SUPT5H: variants seen among roughly 807,000 people sequenced by gnomAD.
SUPT5H encodes the protein transcription elongation factor SPT5.
SUPT5H carries 24 observed loss-of-function variants against 142.5 expected under a neutral mutation model. That is an observed-to-expected ratio of 0.17 (90% CI 0.12 to 0.24). SUPT5H has a LOEUF of 0.24. SUPT5H is among the 10% of genes least tolerant of loss of function. The probability of loss-of-function intolerance (pLI) is 1.00; values close to 1 mark genes in which losing one functional copy is unlikely to be tolerated. For missense variants in SUPT5H, 893 were observed against 1,471.8 expected (o/e 0.61, Z 6.43); for synonymous variants, 546 against 553.0 (o/e 0.99, Z 0.18).
chr19:39,447,351 A>G (rs2078966939), intron 2 of SUPT5H, among the ~76,000 whole-genome samples: 2 of 151,984 alleles, frequency 1.3e-5, no homozygotes, highest in South Asian at 2.1e-4. Context: ...TGAAAGGATC[A>G]CTCTGGCTTT....
intron 3 of SUPT5H, 131 bp downstream of exon 3, chr19:39,453,652 C>T: frequency 2.7e-6 from 3 of 1,116,892 alleles, no homozygotes; most frequent in Non-Finnish European, 3.6e-6. Flanking sequence ...GAACTTGGCT[C>T]ACTGCAAGTT....
In SUPT5H at chr19:39,459,963, A is replaced by G. The variant is rs780872408; in HGVS notation, c.624+3A>G. 6.2e-7 allele frequency: 1 copy of G among 1,614,054 alleles called. No homozygotes were observed. The highest frequency in any genetic ancestry group is 1.7e-5 in the Admixed American group (1 of 60,006). ...TTGCCTACCAGTTCACAGACACGGT[A>G]AGTCGGGTAGACAGGCGGCTTGGTG... On this transcript the variant is annotated splice_donor_region_variant and intron_variant, in intron 10 of 29. Coordinates refer to ENST00000432763, the MANE Select transcript of SUPT5H (RefSeq NM_001111020.3).
rs761983112 is a variant in SUPT5H at position 39,471,365 on chromosome 19, C to G, written c.1686C>G (p.Asn562Lys). 4 of 1,614,192 alleles carry G rather than the reference C, an allele frequency of 2.5e-6. No homozygotes were observed. The highest frequency in any genetic ancestry group is 3.4e-6 in the Non-Finnish European group (4 of 1,180,032). The change falls in exon 19 of 30, where the codon AAC becomes AAG. Residue 562 changes from asparagine to lysine, a missense_variant. Physicochemically the swap from Asn to Lys is moderately conservative, Grantham distance 94 (BLOSUM62 0). Around this residue, in one of 6 missense-constraint regions of SUPT5H, gnomAD observed 428 missense variants for 763.5 expected, o/e 0.56. Transcript: ENST00000432763. ...RLERETFQVL[N>K]MYGKVVTVRH... ...CTGCTCTCCCTCTGTAGGTGCTGAA[C>G]ATGTACGGGAAGGTGGTGACTGTCA... is the stretch of plus-strand genomic sequence containing the variant.
At chr19:39,452,541 G>T (rs1295991698) in intron 2 of SUPT5H, among the ~76,000 whole-genome samples, 1 of 152,196 alleles carries the variant, frequency 6.6e-6, no homozygotes, top group Non-Finnish European at 1.5e-5. Context: ...GGCATGGTTG[G>T]GGTGCCAGAT....
Position 39,445,950 on chromosome 19 carries a change from C to T in SUPT5H, c.60C>T (p.Asp20=), listed in dbSNP as rs755298339. 1.2e-6 allele frequency: 2 copies of T among 1,613,112 alleles called. No individual in the cohort carries two copies. The highest frequency in any genetic ancestry group is 1.7e-6 in the Non-Finnish European group (2 of 1,179,952). The stretch of plus-strand genomic sequence containing the variant: ...AGGAGGACAGCGAGCGCAGCAGTGA[C>T]GGCGAGGAGGCCGAGGTCTGTGGCT... ...SEEEDSERSS[D]GEEAEVDEER... The change falls in exon 2 of 30, where the codon GAC becomes GAT. Residue 20 remains aspartate (D), a synonymous_variant. Transcript: ENST00000432763.
chr19:39,467,244 G>C (rs761076637), intron 13 of SUPT5H, among the ~76,000 whole-genome samples: 8 of 151,904 alleles, frequency 5.3e-5, no homozygotes, highest in Non-Finnish European at 1.2e-4. Flanking sequence ...TTAGCCAAGG[G>C]TTGTGGTCAG....
At position 39,464,911 on chromosome 19, in the gene SUPT5H, G is replaced by C. The variant is rs746416241; in HGVS notation, c.738G>C (p.Arg246=). 4.3e-6 allele frequency: 7 copies of C among 1,614,130 alleles called. No individual in the cohort carries two copies. Among genetic ancestry groups the C allele is most frequent in the Non-Finnish European group, 5.9e-6 (7 of 1,179,970 alleles). The stretch of plus-strand genomic sequence containing the variant: ...CCATTGAGGGGGTGGGCAACCTGCG[G>C]CTTGGCTACTGGAACCAGCAGATGG... ...KQAIEGVGNL[R]LGYWNQQMVP... The change falls in exon 11 of 30, where the codon CGG becomes CGC. Residue 246 remains arginine, a synonymous_variant. Transcript: ENST00000432763.
chr19:39,448,877 C>T (rs1382617908), intron 2 of SUPT5H, among the ~76,000 whole-genome samples: 2 of 151,444 alleles, frequency 1.3e-5, no homozygotes, highest in South Asian at 2.1e-4. Context: ...GGGTGGATCA[C>T]GAGGTCAGGA....
intron 9 of SUPT5H, 65 bp from the exon 10 acceptor site, chr19:39,459,827 T>C: frequency 1.3e-6 from 2 of 1,553,026 alleles, no homozygotes; most frequent in Non-Finnish European, 1.8e-6. Context: ...GCTGTCTCCT[T>C]CCCCCTTTCC....
rs1167774140 is a variant in SUPT5H, at chr19:39,469,229, A to AC, written c.1238-28dup. ...GGAGCAGGGGCGGCCCATGGTGGCA[A>AC]CCCCCGAGTCAGCCCTACGACTGCC... On this transcript the variant is annotated intron_variant, in intron 15 of 29. Transcript: ENST00000432763. The surrounding 1 kb of genome is among the most constrained non-coding windows in gnomAD (Gnocchi z 5.1). 2 of 1,613,930 alleles carry AC rather than the reference A, an allele frequency of 1.2e-6. No individual in the cohort carries two copies. The highest frequency in any genetic ancestry group is 1.7e-6 in the Non-Finnish European group (2 of 1,179,990).
Position 39,473,277 on chromosome 19 carries a change from A to G in SUPT5H, c.2333A>G (p.Tyr778Cys), listed in dbSNP as rs1291365649. 1 of 1,613,726 alleles carries G rather than the reference A, an allele frequency of 6.2e-7. No individual in the cohort carries two copies. The highest frequency in any genetic ancestry group is 8.5e-7 in the Non-Finnish European group (1 of 1,179,972). ...ATGTATGGCTCCCAGACGCCCATGT[A>G]TGGCTCTGGCTCCCGAACACCCATG... The part of the protein sequence containing the change: ...TPMYGSQTPM[Y>C]GSGSRTPMYG... The change falls in exon 24 of 30, where the codon TAT (tyrosine) becomes TGT (cysteine). Residue 778 changes from tyrosine (Y) to cysteine (C), a missense_variant. Tyr to Cys is a radical substitution (Grantham distance 194). Transcript: ENST00000432763. The surrounding 1 kb of genome is among the most constrained non-coding windows in gnomAD (Gnocchi z 5.8).
rs2078945707 is a variant in SUPT5H at position 39,445,842 on chromosome 19, G to C, written c.-49G>C. ...AAACTGAGGCTCGGGGTGGAGCGCA[G>C]GATTGTGGGACGCGCCAAGGCTGCT... On this transcript the variant is annotated 5_prime_UTR_variant, in exon 2 of 30. Coordinates refer to ENST00000432763, the MANE Select transcript of SUPT5H (RefSeq NM_001111020.3). The C allele has an allele frequency of 1.2e-6, 2 of 1,602,476 alleles. No individual in the cohort carries two copies. The highest frequency in any genetic ancestry group is 4.5e-5 in the East Asian group (2 of 44,636).
Position 39,474,868 on chromosome 19 carries a change from C to G in SUPT5H, c.3024+150C>G. ...GAGGGCAAGGGGAGCTATGTGAACCCAAAGGAGGCATCTTACCTGATTTAG... is the reference window on the plus strand; with the variant it reads ...GAGGGCAAGGGGAGCTATGTGAACCGAAAGGAGGCATCTTACCTGATTTAG... On this transcript the variant is annotated intron_variant, in intron 28 of 29. Coordinates refer to ENST00000432763, the MANE Select transcript of SUPT5H (RefSeq NM_001111020.3). The surrounding 1 kb of genome is among the most constrained non-coding windows in gnomAD (Gnocchi z 6.5). The G allele has an allele frequency of 1.2e-6, 1 of 837,052 alleles. No individual in the cohort carries two copies. The highest frequency in any genetic ancestry group is 1.8e-6 in the Non-Finnish European group (1 of 541,272). 51.9% of individuals were successfully genotyped at this position (837,052 alleles called of 1,614,324 possible). A position where few individuals can be genotyped will look rare whatever the true frequency, so the allele number is the denominator to read the frequency against.
At position 39,466,290 on chromosome 19, in the gene SUPT5H, G is replaced by T. The variant is rs112537614; in HGVS notation, c.877-190G>T. ...ACATCCAGGTGGAGATACCAAGCAG[G>T]CAGTGGCTACTCAGTGCCAGAGTTG... On this transcript the variant is annotated intron_variant, in intron 11 of 29. Transcript: ENST00000432763. The surrounding 1 kb of genome is among the most constrained non-coding windows in gnomAD (Gnocchi z 4.3). 0.014 allele frequency among the ~76,000 whole-genome samples: 2,067 copies of T among 152,298 alleles called. 30 individuals carry two copies. Among genetic ancestry groups the T allele is most frequent in the Non-Finnish European group, 0.023 (1,567 of 68,012 alleles).
Position 39,476,376 on chromosome 19 carries a change from C to T in SUPT5H, c.3241C>T (p.Leu1081=), listed in dbSNP as rs1460702072. 4.3e-6 allele frequency: 7 copies of T among 1,614,138 alleles called. No individual in the cohort carries two copies. Among genetic ancestry groups the T allele is most frequent in the East Asian group, 2.2e-5 (1 of 44,882 alleles). ...EQLKILNLRF[L]GKLLEA is the part of the protein sequence containing the mutation. ...GCTCAAGATCCTCAACCTCCGCTTC[C>T]TGGGGAAGCTCCTGGAAGCCTGAAG... The change falls in exon 30 of 30, where the codon CTG becomes TTG. Residue 1081 remains leucine, a synonymous_variant. Transcript: ENST00000432763.
In SUPT5H at chr19:39,445,619, C is replaced by T. The variant is rs1048276685; in HGVS notation, c.-106C>T. The stretch of plus-strand genomic sequence containing the variant: ...TGCGAACAGCAGCTGGTACCGAAGG[C>T]GGAGGTGGAGCCCGAGAGGTAAGTG... On this transcript the variant is annotated 5_prime_UTR_variant, in exon 1 of 30. Coordinates refer to ENST00000432763, the MANE Select transcript of SUPT5H (RefSeq NM_001111020.3). 2.4e-5 allele frequency: 11 copies of T among 455,596 alleles called. No homozygotes were observed. The highest frequency in any genetic ancestry group is 9.7e-5 in the African/African-American group (5 of 51,398). 28.2% of individuals were successfully genotyped at this position (455,596 alleles called of 1,614,324 possible). A position where few individuals can be genotyped will look rare whatever the true frequency, so the allele number is the denominator to read the frequency against.
At chr19:39,450,401 G>C (rs1229025232) in intron 2 of SUPT5H, among the ~76,000 whole-genome samples, 1 of 152,112 alleles carries the variant, frequency 6.6e-6, no homozygotes, top group East Asian at 1.9e-4. Flanking sequence ...TCAGCCTCCT[G>C]AATAGCTGGG....
chr19:39,458,627 C>T lies in SUPT5H; in HGVS notation c.320-191C>T. 1.4e-6 allele frequency: 1 copy of T among 714,764 alleles called. No individual in the cohort carries two copies. Among genetic ancestry groups the T allele is most frequent in the Non-Finnish European group, 2.3e-6 (1 of 438,800 alleles). The allele number at this position is 714,764 out of a possible 1,614,324, so 44.3% of individuals were successfully genotyped here. ...CCCCCAACTTGCTGGGCCCCATCCCCAGTCTTTTTGACAAGAAGCAGGATG... is the reference window on the plus strand; with the variant it reads ...CCCCCAACTTGCTGGGCCCCATCCCTAGTCTTTTTGACAAGAAGCAGGATG... On this transcript the variant is annotated intron_variant, in intron 5 of 29. Coordinates refer to ENST00000432763, the MANE Select transcript of SUPT5H (RefSeq NM_001111020.3). This position sits in a 1 kb window ranked among gnomAD's most constrained non-coding sequence, Gnocchi z 4.2.
At chr19:39,453,918 T>A (rs769651444) in intron 3 of SUPT5H, among the ~76,000 whole-genome samples, 1 of 152,190 alleles carries the variant, frequency 6.6e-6, no homozygotes, top group Non-Finnish European at 1.5e-5. Flanking sequence ...TGTTCCCTTC[T>A]CAGAATCATC....
Sources: allele counts gnomAD v4.1 joint callset (sites outside exome capture counted in the v4.1 genomes callset), GRCh38; gene constraint gnomAD v4.1.1; regional missense constraint gnomAD v4.1.1; non-coding constraint Gnocchi (gnomAD v3.1); transcripts MANE v1.5; gene names NCBI Gene and HGNC (gene_info 2026-07-23, HGNC 2026-07-21).